The following CCDC171 variants were observed in gnomAD, a reference collection of about 807,000 sequenced individuals.
CCDC171 encodes the protein coiled-coil domain containing 171, also known as coiled-coil domain-containing protein 171.
In CCDC171, 177 loss-of-function variants were observed where a neutral mutation model predicts 168.2. The observed-to-expected ratio is 1.05, with a 90% CI of 0.93 to 1.19. CCDC171 has a LOEUF of 1.19. Among genes scored for constraint, CCDC171 ranks in the 50% most tolerant of loss-of-function variants. The pLI, the probability that CCDC171 is intolerant of heterozygous loss-of-function variation, is 0.00. For missense variants in CCDC171, 1,991 were observed against 1,539.0 expected (o/e 1.29, Z -4.91); for synonymous variants, 687 against 540.8 (o/e 1.27, Z -3.75).
chr9:15,608,981 T>TTA (rs2043442955), intron 6 of CCDC171, among the ~76,000 whole-genome samples: 1 of 136,390 alleles, frequency 7.3e-6, no homozygotes. Context: ...AAGAGTGGTT[T>TTA]TTTTTTAAAA....
At chr9:15,597,765 C>T (rs1251028021) in intron 6 of CCDC171, among the ~76,000 whole-genome samples, 9 of 152,066 alleles carry the variant, frequency 5.9e-5, no homozygotes, top group African/African-American at 7.2e-5. Flanking sequence ...GCTGTGAATC[C>T]ATCTGGTTCT....
chr9:15,846,001 G>T (rs983423746), intron 21 of CCDC171, among the ~76,000 whole-genome samples: 3 of 152,022 alleles, frequency 2.0e-5, no homozygotes, highest in Non-Finnish European at 4.4e-5. Context: ...AACAGATCTT[G>T]TACTTCTGTG....
At chr9:15,665,821 G>T (rs537882912) in intron 8 of CCDC171, among the ~76,000 whole-genome samples, 1 of 152,222 alleles carries the variant, frequency 6.6e-6, no homozygotes, top group South Asian at 2.1e-4. Context: ...TTTTATAAAA[G>T]AAGTATCTGA....
chr9:16,102,366 G>T, the CCDC171 span, among the ~76,000 whole-genome samples: 4 of 152,086 alleles, frequency 2.6e-5, no homozygotes, highest in East Asian at 3.9e-4. Context: ...GGATGAGCTT[G>T]TCACTTGTCT....
intron 21 of CCDC171, among the ~76,000 whole-genome samples, chr9:15,845,046 G>A (rs1456112462): frequency 6.6e-6 from 1 of 151,990 alleles, no homozygotes; most frequent in Non-Finnish European, 1.5e-5. Flanking sequence ...AACTGGTGTT[G>A]GATCATTAGT....
At chr9:15,720,725 A>G (rs916927576) in intron 11 of CCDC171, among the ~76,000 whole-genome samples, 4 of 152,206 alleles carry the variant, frequency 2.6e-5, no homozygotes, top group Admixed American at 2.0e-4. Context: ...GTTCTAGGGT[A>G]CATGTGCACA....
intron 23 of CCDC171, among the ~76,000 whole-genome samples, chr9:15,855,931 A>T (rs1233211107): frequency 6.6e-6 from 1 of 151,982 alleles, no homozygotes; most frequent in Non-Finnish European, 1.5e-5. Flanking sequence ...TTAAATCTAT[A>T]GAAGAAAAAG....
At chr9:16,039,055 C>T (rs1833528323), upstream of CCDC171, among the ~76,000 whole-genome samples, 1 of 152,182 alleles carries the variant, frequency 6.6e-6, no homozygotes, top group African/African-American at 2.4e-5. Flanking sequence ...TTTAACACAT[C>T]TGTCTCAGGG....
At chr9:15,790,641 C>T (rs145367540) in intron 21 of CCDC171, among the ~76,000 whole-genome samples, 3,686 of 152,130 alleles carry the variant, frequency 0.024, 157 homozygotes, top group African/African-American at 0.085. Flanking sequence ...TTGCCATTGC[C>T]TTTGGTGTTT....
chr9:16,047,667 T>C (rs1158584484), intron 1 of CCDC171, among the ~76,000 whole-genome samples: 1 of 152,200 alleles, frequency 6.6e-6, no homozygotes, highest in African/African-American at 2.4e-5. Flanking sequence ...ACCTGGGAAG[T>C]GGGTAAGAGT....
chr9:15,810,663 G>T (rs2059308921), intron 21 of CCDC171, among the ~76,000 whole-genome samples: 1 of 152,210 alleles, frequency 6.6e-6, no homozygotes, highest in Non-Finnish European at 1.5e-5. Flanking sequence ...GCCCCTCCCT[G>T]CCTGGGGCCG....
In CCDC171 at chr9:15,594,227, C is replaced by A. The variant is rs1046784708; in HGVS notation, c.675+55C>A. 8.3e-6 allele frequency: 8 copies of A among 968,676 alleles called. No homozygotes were observed. The African/African-American group carries it at 8.7e-5, about 11-fold the overall frequency. 60.0% of individuals were successfully genotyped at this position (968,676 alleles called of 1,614,324 possible). A position where few individuals can be genotyped will look rare whatever the true frequency, so the allele number is the denominator to read the frequency against. On this transcript the variant is annotated intron_variant, in intron 6 of 25. Transcript: ENST00000380701. The stretch of plus-strand genomic sequence containing the variant: ...ATATATTTTTAATGCTTATGATATT[C>A]AAAATTACATTAGTGGGATAACTGA...
intron 7 of CCDC171, among the ~76,000 whole-genome samples, chr9:15,634,378 A>G (rs1200301431): frequency 1.3e-5 from 2 of 151,912 alleles, no homozygotes; most frequent in Admixed American, 6.6e-5. Context: ...TTCAGGTTTG[A>G]TGGTTAGAAA....
At chr9:15,657,912 G>T (rs961385978) in intron 8 of CCDC171, among the ~76,000 whole-genome samples, 1 of 152,142 alleles carries the variant, frequency 6.6e-6, no homozygotes, top group Non-Finnish European at 1.5e-5. Flanking sequence ...TTAGGGGTTG[G>T]CACACTACTG....
At chr9:15,592,489 T>A (rs1029115643) in intron 5 of CCDC171, among the ~76,000 whole-genome samples, 37 of 152,302 alleles carry the variant, frequency 2.4e-4, no homozygotes, top group Non-Finnish European at 3.7e-4. Context: ...ACTGTAAAAG[T>A]TTTCGCACAG....
chr9:15,874,487 G>A, intron 23 of CCDC171, 45 bp from the exon 24 acceptor site: 2 of 1,516,056 alleles, frequency 1.3e-6, no homozygotes, highest in East Asian at 2.5e-5. Flanking sequence ...CCCAGTTAAT[G>A]TGTCTGAAGG....
At position 15,906,086 on chromosome 9, in the gene CCDC171, C is replaced by A. The variant is rs566767771; in HGVS notation, c.3601-14184C>A. On this transcript the variant is annotated intron_variant, in intron 24 of 25. Transcript: ENST00000380701. Reference sequence around the variant, plus strand: ...CAGATGGATTCACAGCCGAATTCTACCAGAGGTACAAGGAGGAGCTGTTAC... The same window carrying A: ...CAGATGGATTCACAGCCGAATTCTAACAGAGGTACAAGGAGGAGCTGTTAC... 4.6e-5 allele frequency among the ~76,000 whole-genome samples: 7 copies of A among 152,142 alleles called. No individual in the cohort carries two copies. In the South Asian group the frequency reaches 1.5e-3, roughly 32 times the overall value.
At chr9:15,759,793 C>T (rs1292334191) in intron 18 of CCDC171, among the ~76,000 whole-genome samples, 1 of 152,020 alleles carries the variant, frequency 6.6e-6, no homozygotes, top group African/African-American at 2.4e-5. Flanking sequence ...AGGGTTTTTC[C>T]ATTTCTATTA....
intron 11 of CCDC171, 104 bp from the exon 12 acceptor site, chr9:15,721,665 C>T (rs763404589): frequency 2.4e-5 from 11 of 459,492 alleles, no homozygotes; most frequent in Admixed American, 1.3e-4. Flanking sequence ...AGTTTCATAA[C>T]GTCTTTTCAG....
Sources: allele counts gnomAD v4.1 joint callset (sites outside exome capture counted in the v4.1 genomes callset), GRCh38; gene constraint gnomAD v4.1.1; transcripts MANE v1.5; gene names NCBI Gene and HGNC (gene_info 2026-07-23, HGNC 2026-07-21).